The following HTR1F variants were observed in gnomAD, a reference collection of about 807,000 sequenced individuals.
HTR1F encodes the protein 5-hydroxytryptamine receptor 1F, also known as 5-hydroxytryptamine (serotonin) receptor 1F, G protein-coupled.
A neutral mutation model predicts 24.0 loss-of-function variants in HTR1F; 17 were observed. The ratio of observed to expected loss-of-function variants is 0.71; its 90% CI spans 0.48 to 1.06. The LOEUF (loss-of-function observed/expected upper bound fraction) is 1.06. HTR1F is among the 50% of genes least tolerant of loss of function. The probability of loss-of-function intolerance (pLI) is 0.00; values close to 1 mark genes in which losing one functional copy is unlikely to be tolerated. For synonymous variants in HTR1F, 186 were observed against 156.8 expected (o/e 1.19, Z -1.39); for missense variants, 391 against 427.8 (o/e 0.91, Z 0.76).
intron 2 of HTR1F, among the ~76,000 whole-genome samples, chr3:87,946,673 G>A (rs574785707): frequency 8.7e-5 from 13 of 150,014 alleles, no homozygotes; most frequent in African/African-American, 2.9e-4. Context: ...CCAGGCTGGA[G>A]TGCAGTGGCA....
chr3:87,930,193 A>G (rs1415220366), intron 2 of HTR1F, among the ~76,000 whole-genome samples: 1 of 152,172 alleles, frequency 6.6e-6, no homozygotes, highest in South Asian at 2.1e-4. Context: ...GGCTTGGACT[A>G]TGGTGTTTTC....
At chr3:87,848,304 T>C (rs1336519130) in intron 2 of HTR1F, among the ~76,000 whole-genome samples, 1 of 151,946 alleles carries the variant, frequency 6.6e-6, no homozygotes, top group African/African-American at 2.4e-5. Context: ...GCTGGCTGTT[T>C]GTATGTCTTC....
At chr3:87,943,997 C>T (rs1470259812) in intron 2 of HTR1F, among the ~76,000 whole-genome samples, 3 of 140,178 alleles carry the variant, frequency 2.1e-5, no homozygotes, top group Non-Finnish European at 1.6e-5. Context: ...GTACTAGAGC[C>T]CCCTCTGTGG....
intron 2 of HTR1F, among the ~76,000 whole-genome samples, chr3:87,831,911 T>C (rs1442631050): frequency 6.6e-6 from 1 of 152,238 alleles, no homozygotes; most frequent in Non-Finnish European, 1.5e-5. Flanking sequence ...TAATGGATTA[T>C]TGTAATCTTC....
At chr3:87,920,059 A>T (rs1366889808) in intron 2 of HTR1F, among the ~76,000 whole-genome samples, 9 of 148,510 alleles carry the variant, frequency 6.1e-5, no homozygotes, top group Non-Finnish European at 1.0e-4. Context: ...ATGATAGAAT[A>T]CTACTCAGCC....
At chr3:87,828,910 C>A (rs1235718255) in intron 2 of HTR1F, among the ~76,000 whole-genome samples, 1 of 152,062 alleles carries the variant, frequency 6.6e-6, no homozygotes, top group Admixed American at 6.6e-5. Context: ...AATAACAAAA[C>A]AAAGAAATGT....
chr3:87,987,890 A>G (rs772749121), intron 2 of HTR1F, among the ~76,000 whole-genome samples: 7 of 148,690 alleles, frequency 4.7e-5, no homozygotes, highest in Middle Eastern at 3.5e-3. Context: ...AAAATAATTT[A>G]AGAAACTCCA....
intron 2 of HTR1F, among the ~76,000 whole-genome samples, chr3:87,902,089 T>C (rs1706336629): frequency 1.3e-5 from 2 of 152,120 alleles, no homozygotes; most frequent in East Asian, 3.8e-4. Context: ...TAGGTGGAAA[T>C]TGGATTCTAA....
rs572600844 is a variant in HTR1F, at chr3:87,903,073, T to C, written c.-43+80949T>C. 5.5e-4 allele frequency among the ~76,000 whole-genome samples: 83 copies of C among 152,030 alleles called. 2 individuals are homozygous for C. The South Asian group carries it at 0.016, about 30-fold the overall frequency. On this transcript the variant is annotated intron_variant, in intron 2 of 2. Coordinates refer to ENST00000319595, the MANE Select transcript of HTR1F (RefSeq NM_001322209.2). Reference sequence around the variant, plus strand: ...GTGCTGGGAAAACTGGCTAGCCATATGTAGAAAGCTGAAACTGGATCCCTT... The same window carrying C: ...GTGCTGGGAAAACTGGCTAGCCATACGTAGAAAGCTGAAACTGGATCCCTT...
At chr3:87,895,012 T>C (rs1040905566) in intron 2 of HTR1F, among the ~76,000 whole-genome samples, 3 of 152,038 alleles carry the variant, frequency 2.0e-5, no homozygotes, top group African/African-American at 7.2e-5. Context: ...AAATAGTAAA[T>C]TGGGTATTAG....
chr3:87,937,949 A>T (rs142877507), intron 2 of HTR1F, among the ~76,000 whole-genome samples: 305 of 151,632 alleles, frequency 2.0e-3, no homozygotes, highest in African/African-American at 7.2e-3. Flanking sequence ...AAAAAGAAGA[A>T]AGAAAGAAAG....
chr3:87,982,521 G>C (rs953991601), intron 2 of HTR1F, among the ~76,000 whole-genome samples: 49 of 152,080 alleles, frequency 3.2e-4, no homozygotes, highest in Non-Finnish European at 2.8e-4. Context: ...AAGACTTTCT[G>C]TAGGCAGAAA....
At chr3:87,842,999 G>T (rs1048422299) in intron 2 of HTR1F, among the ~76,000 whole-genome samples, 3 of 152,006 alleles carry the variant, frequency 2.0e-5, no homozygotes, top group African/African-American at 7.3e-5. Context: ...AGGTTTCCCA[G>T]TTCGGACAAG....
intron 2 of HTR1F, among the ~76,000 whole-genome samples, chr3:87,961,684 C>G (rs945866304): frequency 6.6e-6 from 1 of 151,774 alleles, no homozygotes; most frequent in Admixed American, 6.6e-5. Context: ...TAATATCTCA[C>G]CCAGCGAGAC....
intron 2 of HTR1F, among the ~76,000 whole-genome samples, chr3:87,829,603 GA>G (rs1704533778): frequency 6.6e-6 from 1 of 152,130 alleles, no homozygotes; most frequent in Non-Finnish European, 1.5e-5. Flanking sequence ...GGGACTTAAG[GA>G]GCTTTTCATC....
intron 2 of HTR1F, among the ~76,000 whole-genome samples, chr3:87,834,901 G>A (rs1338383151): frequency 1.3e-5 from 2 of 152,146 alleles, no homozygotes; most frequent in Non-Finnish European, 2.9e-5. Context: ...GTAGAGTTAA[G>A]TAGTTGCAAC....
chr3:87,885,528 C>T (rs1705916771), intron 2 of HTR1F, among the ~76,000 whole-genome samples: 1 of 152,062 alleles, frequency 6.6e-6, no homozygotes, highest in Admixed American at 6.6e-5. Context: ...CACAAAAAAC[C>T]CTTCAAAAAA....
intron 2 of HTR1F, among the ~76,000 whole-genome samples, chr3:87,977,573 CTT>C (rs541688626): frequency 1.4e-5 from 2 of 140,708 alleles, no homozygotes; most frequent in African/African-American, 2.6e-5. Flanking sequence ...TAATTTTTTT[CTT>C]TTTTTTTTTT....
intron 2 of HTR1F, among the ~76,000 whole-genome samples, chr3:87,938,824 A>G (rs1480063133): frequency 6.6e-6 from 1 of 152,170 alleles, no homozygotes; most frequent in Non-Finnish European, 1.5e-5. Flanking sequence ...AAAACCTAAA[A>G]CTATAAAAAC....
Sources: gnomAD v4.1 joint callset for allele counts (sites outside exome capture counted in the v4.1 genomes callset) on GRCh38, gnomAD v4.1.1 for gene constraint, MANE v1.5 for transcripts, NCBI Gene and HGNC (gene_info 2026-07-23, HGNC 2026-07-21) for gene names.